The following SCAPER variants were observed in gnomAD, a reference collection of about 807,000 sequenced individuals.
SCAPER encodes S-phase cyclin A associated protein in the ER.
In SCAPER, 98 loss-of-function variants were observed where a neutral mutation model predicts 182.2. That is an observed-to-expected ratio of 0.54 (90% CI 0.46 to 0.64). The LOEUF (loss-of-function observed/expected upper bound fraction) is 0.64, where lower values mean the gene tolerates loss of function less well. SCAPER is among the 30% of genes least tolerant of loss of function. The pLI is 0.00. For synonymous variants in SCAPER, 605 were observed against 564.6 expected, an observed-to-expected ratio of 1.07 and a Z score of -1.01; for missense variants, 1,432 against 1,690.0, an observed-to-expected ratio of 0.85 and a Z score of 2.68.
chr15:76,382,464 G>A (rs1308924075), intron 27 of SCAPER, among the ~76,000 whole-genome samples: 3 of 150,634 alleles, frequency 2.0e-5, no homozygotes, highest in African/African-American at 2.4e-5. Flanking sequence ...CTGGGATTAA[G>A]AGTCCCATGC....
At chr15:76,652,518 TACACACACACACACACACACACACACAC>T (rs71143350) in intron 21 of SCAPER, among the ~76,000 whole-genome samples, 1 of 88,926 alleles carries the variant, frequency 1.1e-5, no homozygotes. Context: ...TTTACATACA[TACACACACACACACACACACACACACAC>T]ACACACACAC....
intron 31 of SCAPER, 129 bp downstream of exon 31, chr15:76,351,108 T>A: frequency 1.4e-6 from 1 of 703,140 alleles, no homozygotes; most frequent in Non-Finnish European, 2.2e-6. Flanking sequence ...ATACTTGGTA[T>A]CTGAATCTCA....
chr15:76,414,952 A>ATTC (rs10687079), intron 26 of SCAPER, among the ~76,000 whole-genome samples: 3,655 of 152,256 alleles, frequency 0.024, 145 homozygotes, highest in African/African-American at 0.082. Context: ...TAAGCACCTA[A>ATTC]TTCTGTTTTA....
chr15:76,677,645 A>C (rs1050110403), intron 20 of SCAPER, among the ~76,000 whole-genome samples: 1 of 151,438 alleles, frequency 6.6e-6, no homozygotes, highest in Non-Finnish European at 1.5e-5. Flanking sequence ...AATAATAATA[A>C]TGTACATAAA....
intron 26 of SCAPER, among the ~76,000 whole-genome samples, chr15:76,421,747 G>A (rs1382279211): frequency 6.6e-6 from 1 of 152,098 alleles, no homozygotes; most frequent in Non-Finnish European, 1.5e-5. Flanking sequence ...GGGTTTTTAT[G>A]GTTTTAGGTC....
chr15:76,732,031 T>C (rs1026200540), intron 16 of SCAPER, among the ~76,000 whole-genome samples: 1 of 152,234 alleles, frequency 6.6e-6, no homozygotes, highest in Non-Finnish European at 1.5e-5. Flanking sequence ...TCTATTGCTA[T>C]GATTACAGTC....
intron 17 of SCAPER, among the ~76,000 whole-genome samples, chr15:76,707,787 C>A (rs571432876): frequency 6.6e-6 from 1 of 152,126 alleles, no homozygotes; most frequent in Non-Finnish European, 1.5e-5. Context: ...CATCCAACAA[C>A]AGCAGAATGC....
At chr15:76,361,983 T>G (rs1289650885) in intron 29 of SCAPER, among the ~76,000 whole-genome samples, 1 of 152,160 alleles carries the variant, frequency 6.6e-6, no homozygotes, top group Admixed American at 6.5e-5. Flanking sequence ...ACACATTTTT[T>G]TTTTTTTTAG....
At position 76,602,976 on chromosome 15, in the gene SCAPER, C is replaced by CTTT. The variant is rs34097680; in HGVS notation, c.2711+18785_2711+18787dup. Among the ~76,000 whole-genome samples, 16 of 57,838 alleles carry CTTT rather than the reference C, an allele frequency of 2.8e-4. 1 individual carries two copies. The highest frequency in any genetic ancestry group is 3.6e-4 in the Non-Finnish European group (8 of 22,374). 37.9% of individuals were successfully genotyped at this position (57,838 alleles called of 152,430 possible). On this transcript the variant is annotated intron_variant, in intron 22 of 31. Coordinates refer to ENST00000563290, the MANE Select transcript of SCAPER (RefSeq NM_020843.4). The stretch of plus-strand genomic sequence containing the variant: ...AGAATTTACTAAGACAGCAAGAAAA[C>CTTT]TTTTTTTTTTTTTTTGGTTTGGATC...
rs374609390 is a variant in SCAPER, at chr15:76,395,708, C to A, written c.3467+8816G>T. Among the ~76,000 whole-genome samples, 6 of 152,174 alleles carry A rather than the reference C, an allele frequency of 3.9e-5. No homozygotes were observed. In the East Asian group the frequency reaches 7.7e-4, roughly 20 times the overall value. ...TAAAAATTGGATTATTAGAGTTTTTCCTATAGAGTTGTTTGAATTCTTATA... is the reference window on the plus strand; with the variant it reads ...TAAAAATTGGATTATTAGAGTTTTTACTATAGAGTTGTTTGAATTCTTATA... On this transcript the variant is annotated intron_variant, in intron 27 of 31. Transcript: ENST00000563290.
intron 4 of SCAPER, among the ~76,000 whole-genome samples, chr15:76,845,196 T>C (rs2069942783): frequency 6.6e-6 from 1 of 152,028 alleles, no homozygotes. Flanking sequence ...AACCCTCAAC[T>C]ACTGGGCATA....
At chr15:76,610,529 C>G (rs927847109) in intron 22 of SCAPER, among the ~76,000 whole-genome samples, 1 of 151,974 alleles carries the variant, frequency 6.6e-6, no homozygotes, top group African/African-American at 2.4e-5. Flanking sequence ...ACAAAGAAAA[C>G]CGTAAAGATT....
intron 24 of SCAPER, among the ~76,000 whole-genome samples, chr15:76,491,498 A>G (rs1410786049): frequency 5.9e-5 from 9 of 152,222 alleles, no homozygotes; most frequent in Admixed American, 4.6e-4. Context: ...TCATACACTA[A>G]GTATATGTTT....
At chr15:76,385,119 A>C (rs567716492) in intron 27 of SCAPER, 1 of 152,326 alleles carries the variant, frequency 6.6e-6, no homozygotes, top group Non-Finnish European at 1.5e-5. Flanking sequence ...AATTAGGAAA[A>C]ACTAAAATTG....
intron 29 of SCAPER, among the ~76,000 whole-genome samples, chr15:76,366,845 G>A (rs1333877453): frequency 6.6e-6 from 1 of 152,146 alleles, no homozygotes; most frequent in Non-Finnish European, 1.5e-5. Context: ...ATGCCCCTTT[G>A]GGAAGGGAAG....
At chr15:76,584,580 C>T (rs1386244943) in intron 22 of SCAPER, among the ~76,000 whole-genome samples, 1 of 152,142 alleles carries the variant, frequency 6.6e-6, no homozygotes, top group Non-Finnish European at 1.5e-5. Context: ...AATGCAAAAT[C>T]TAAGGCTCAA....
At chr15:76,839,948 C>CA (rs1568304405) in intron 5 of SCAPER, among the ~76,000 whole-genome samples, 1 of 151,860 alleles carries the variant, frequency 6.6e-6, no homozygotes, top group African/African-American at 2.4e-5. Context: ...TAAACAACAA[C>CA]AAAAAAAGAA....
rs565413755 is a variant in SCAPER at position 76,804,769 on chromosome 15, AT to A, written c.394-137del. 2.4e-3 allele frequency: 1,087 copies of A among 460,060 alleles called. 1 individual carries two copies. Among genetic ancestry groups the A allele is most frequent in the African/African-American group, 4.4e-3 (218 of 49,080 alleles). 28.5% of individuals were successfully genotyped at this position (460,060 alleles called of 1,614,324 possible). On this transcript the variant is annotated intron_variant, in intron 5 of 31. Coordinates refer to ENST00000563290, the MANE Select transcript of SCAPER (RefSeq NM_020843.4). ...AATGAAAAAGCTGCGTAAGTTACAG[AT>A]TTTTTTTTTCATTCTGTTTGGTAAG... is the stretch of plus-strand genomic sequence containing the variant.
chr15:76,815,639 A>T (rs2067015338), intron 5 of SCAPER, among the ~76,000 whole-genome samples: 1 of 152,174 alleles, frequency 6.6e-6, no homozygotes, highest in Admixed American at 6.5e-5. Flanking sequence ...GCCAGTAAAC[A>T]TTACCACCTG....
Sources: gnomAD v4.1 joint callset for allele counts (sites outside exome capture counted in the v4.1 genomes callset) on GRCh38, gnomAD v4.1.1 for gene constraint, MANE v1.5 for transcripts, NCBI Gene and HGNC (gene_info 2026-07-23, HGNC 2026-07-21) for gene names.